Variants in FGFR2 observed in about 807,000 individuals in gnomAD.
FGFR2 encodes the protein BEK fibroblast growth factor receptor.
Under a neutral mutation model 95.9 loss-of-function variants are expected in FGFR2, and 19 were observed. The observed-to-expected ratio is 0.20, with a 90% CI of 0.14 to 0.29. FGFR2 has a LOEUF of 0.29. FGFR2 is among the 10% of genes least tolerant of loss of function. FGFR2 has a pLI of 1.00. For missense variants in FGFR2, 707 were observed against 1,056.9 expected, an observed-to-expected ratio of 0.67 and a Z score of 4.59; for synonymous variants, 392 against 393.3, an observed-to-expected ratio of 1.00 and a Z score of 0.04.
intron 6 of FGFR2, among the ~76,000 whole-genome samples, chr10:121,527,179 A>G (rs1004720568): frequency 6.6e-6 from 1 of 152,204 alleles, no homozygotes; most frequent in Admixed American, 6.5e-5. Flanking sequence ...AATTAATGTT[A>G]CAGGCTGTAT....
chr10:121,493,962 A>G (rs565771237), intron 13 of FGFR2, among the ~76,000 whole-genome samples: 61 of 150,424 alleles, frequency 4.1e-4, no homozygotes, highest in African/African-American at 1.4e-3. Context: ...TATCTAATCA[A>G]TCCATTCATT....
intron 11 of FGFR2, 61 bp downstream of exon 11, chr10:121,500,765 G>A (rs1218328664): frequency 1.2e-6 from 2 of 1,605,052 alleles, no homozygotes; most frequent in African/African-American, 2.7e-5. Context: ...GCCACAAAAG[G>A]AACTTTCTTG....
intron 5 of FGFR2, among the ~76,000 whole-genome samples, chr10:121,545,803 T>C (rs1318738442): frequency 6.6e-6 from 1 of 152,218 alleles, no homozygotes; most frequent in East Asian, 1.9e-4. Flanking sequence ...TAGTAGTGAT[T>C]ATAACAAAAG....
intron 2 of FGFR2, among the ~76,000 whole-genome samples, chr10:121,578,313 G>C (rs1039214480): frequency 1.3e-5 from 2 of 152,112 alleles, no homozygotes; most frequent in African/African-American, 2.4e-5. Flanking sequence ...TGTCCACATG[G>C]GCACTGTTCC....
At chr10:121,505,263 G>T (rs749590972) in intron 9 of FGFR2, among the ~76,000 whole-genome samples, 3 of 152,172 alleles carry the variant, frequency 2.0e-5, no homozygotes, top group Non-Finnish European at 4.4e-5. Flanking sequence ...AGATGCCCAA[G>T]AATAGATTAG....
intron 4 of FGFR2, among the ~76,000 whole-genome samples, chr10:121,559,627 G>T (rs557845076): frequency 6.6e-6 from 1 of 152,340 alleles, no homozygotes; most frequent in African/African-American, 2.4e-5. Flanking sequence ...CCCTGGTACA[G>T]CTAACACTAG....
intron 6 of FGFR2, among the ~76,000 whole-genome samples, chr10:121,523,763 A>G (rs1850897880): frequency 6.6e-6 from 1 of 152,248 alleles, no homozygotes; most frequent in Non-Finnish European, 1.5e-5. Flanking sequence ...GTGGGCCTAC[A>G]CATCTATTCT....
chr10:121,555,396 TC>T (rs59811018), intron 4 of FGFR2, among the ~76,000 whole-genome samples: 12,096 of 151,080 alleles, frequency 0.08, 1,409 homozygotes, highest in African/African-American at 0.25. Context: ...AATCAATCAA[TC>T]AATCAAATGA....
chr10:121,592,442 C>A (rs1862794035), intron 2 of FGFR2, among the ~76,000 whole-genome samples: 1 of 152,164 alleles, frequency 6.6e-6, no homozygotes, highest in African/African-American at 2.4e-5. Context: ...TGTCACCACA[C>A]CTGTTAATTA....
At chr10:121,537,456 A>AT (rs1420847146) in intron 6 of FGFR2, among the ~76,000 whole-genome samples, 2 of 152,136 alleles carry the variant, frequency 1.3e-5, no homozygotes, top group African/African-American at 2.4e-5. Flanking sequence ...CTTTTGGATT[A>AT]TTTTTTTAGT....
chr10:121,578,913 A>C (rs1488447805), intron 2 of FGFR2, among the ~76,000 whole-genome samples: 2 of 152,204 alleles, frequency 1.3e-5, no homozygotes, highest in Non-Finnish European at 2.9e-5. Context: ...TCTGTCTCAA[A>C]AGGAAAAAAC....
At chr10:121,480,236 C>A (rs1354178321) in intron 17 of FGFR2, 1 of 666,740 alleles carries the variant, frequency 1.5e-6, no homozygotes, top group Non-Finnish European at 2.7e-6. Context: ...CTGACTTCCA[C>A]GAAGACCTCC....
chr10:121,537,655 GT>G (rs1445230612), intron 6 of FGFR2, among the ~76,000 whole-genome samples: 6 of 152,206 alleles, frequency 3.9e-5, no homozygotes, highest in Admixed American at 1.3e-4. Flanking sequence ...ACGGCAAAAC[GT>G]GAGTGTGAAC....
chr10:121,525,378 G>A (rs1018733893), intron 6 of FGFR2, among the ~76,000 whole-genome samples: 3 of 152,246 alleles, frequency 2.0e-5, no homozygotes, highest in South Asian at 2.1e-4. Context: ...CCAAATAAAC[G>A]CGTAGTAAAC....
Position 121,510,712 on chromosome 10 carries a change from ACGTCC to A in FGFR2, c.1287+4400_1287+4404del, listed in dbSNP as rs550087592. Among the ~76,000 whole-genome samples the A allele has an allele frequency of 9.8e-4, 149 of 152,154 alleles. 1 individual carries two copies. The highest frequency in any genetic ancestry group is 3.2e-3 in the African/African-American group (134 of 41,494). ...CCCCTTCATCTTGGTCCTATTCCTA[ACGTCC>A]CCAGGAATATGCCATTTGCCTCAAA... On this transcript the variant is annotated intron_variant, in intron 9 of 17. Transcript: ENST00000358487.
intron 5 of FGFR2, among the ~76,000 whole-genome samples, chr10:121,540,476 G>A (rs962028021): frequency 1.6e-4 from 25 of 152,254 alleles, no homozygotes; most frequent in South Asian, 6.2e-4. Context: ...AAATCTTCCA[G>A]CGCAATGAGA....
intron 11 of FGFR2, among the ~76,000 whole-genome samples, chr10:121,500,246 A>T (rs1589766823): frequency 6.6e-6 from 1 of 152,302 alleles, no homozygotes; most frequent in East Asian, 1.9e-4. Flanking sequence ...CACAAACACA[A>T]CACGACATTT....
chr10:121,581,489 A>T (rs1246204953), intron 2 of FGFR2, among the ~76,000 whole-genome samples: 5 of 147,654 alleles, frequency 3.4e-5, no homozygotes, highest in Non-Finnish European at 6.0e-5. Context: ...CTGTGATCCC[A>T]GCACTCTGGG....
chr10:121,522,809 C>T (rs897213690), intron 6 of FGFR2, among the ~76,000 whole-genome samples: 1 of 152,150 alleles, frequency 6.6e-6, no homozygotes, highest in Non-Finnish European at 1.5e-5. Flanking sequence ...CTCTCTTCCT[C>T]CCCTAGGTGT....
Sources: allele counts gnomAD v4.1 joint callset (sites outside exome capture counted in the v4.1 genomes callset), GRCh38; gene constraint gnomAD v4.1.1; transcripts MANE v1.5; gene names NCBI Gene and HGNC (gene_info 2026-07-23, HGNC 2026-07-21).